Variants in BCKDHB observed in about 807,000 individuals in gnomAD.
The protein encoded by BCKDHB is 2-oxoisovalerate dehydrogenase subunit beta, mitochondrial.
BCKDHB carries 41 observed loss-of-function variants against 48.5 expected under a neutral mutation model. The ratio of observed to expected loss-of-function variants is 0.85; its 90% CI spans 0.66 to 1.10. BCKDHB has a LOEUF of 1.10. Among genes scored for constraint, BCKDHB ranks in the 50% least tolerant of loss-of-function variants. The pLI is 0.00. For synonymous variants in BCKDHB, 201 were observed against 174.8 expected, an observed-to-expected ratio of 1.15 and a Z score of -1.18; for missense variants, 496 against 494.2, an observed-to-expected ratio of 1.00 and a Z score of -0.03.
the BCKDHB span, among the ~76,000 whole-genome samples, chr6:80,441,416 G>A: frequency 4.1e-3 from 630 of 152,274 alleles, 6 homozygotes; most frequent in African/African-American, 0.014. Context: ...AAAACTGAAA[G>A]AGGTTAATAT....
chr6:80,214,667 G>A (rs773592029), intron 8 of BCKDHB, among the ~76,000 whole-genome samples: 1 of 152,132 alleles, frequency 6.6e-6, no homozygotes, highest in Non-Finnish European at 1.5e-5. Flanking sequence ...TTTCCACAGC[G>A]GGGCCTGGCT....
chr6:80,171,214 C>A, intron 5 of BCKDHB, 68 bp from the exon 6 acceptor site: 1 of 873,178 alleles, frequency 1.1e-6, no homozygotes, highest in Non-Finnish European at 1.9e-6. Context: ...AATATCAGCC[C>A]TTCTTAGCAG....
At chr6:80,268,762 A>C (rs1046456189) in intron 8 of BCKDHB, among the ~76,000 whole-genome samples, 2 of 152,154 alleles carry the variant, frequency 1.3e-5, no homozygotes, top group African/African-American at 4.8e-5. Context: ...GGATTGTGTT[A>C]AAATCTTTAA....
the BCKDHB span, among the ~76,000 whole-genome samples, chr6:80,423,744 A>C: frequency 6.6e-6 from 1 of 152,308 alleles, no homozygotes; most frequent in East Asian, 1.9e-4. Context: ...AACTTATAAC[A>C]GTGTCTGACA....
At chr6:80,168,444 G>C (rs1217195124) in intron 4 of BCKDHB, among the ~76,000 whole-genome samples, 2 of 113,014 alleles carry the variant, frequency 1.8e-5, no homozygotes, top group Non-Finnish European at 3.8e-5. Flanking sequence ...GGAAGAGAGG[G>C]AGGGAGGGAG....
intron 6 of BCKDHB, among the ~76,000 whole-genome samples, chr6:80,182,105 G>A (rs973667164): frequency 6.6e-6 from 1 of 151,878 alleles, no homozygotes; most frequent in Non-Finnish European, 1.5e-5. Context: ...TTTCTATTTT[G>A]TTCTTAAAAT....
the BCKDHB span, among the ~76,000 whole-genome samples, chr6:80,379,436 G>A: frequency 2.6e-5 from 4 of 151,864 alleles, no homozygotes; most frequent in Admixed American, 1.3e-4. Context: ...AGGCATAAAT[G>A]GAACATATCT....
At chr6:80,278,989 G>A (rs954875808) in intron 9 of BCKDHB, among the ~76,000 whole-genome samples, 2 of 152,112 alleles carry the variant, frequency 1.3e-5, no homozygotes, top group African/African-American at 4.8e-5. Flanking sequence ...ATGATTATCT[G>A]GAAAAATTTG....
chr6:80,466,057 A>G, the BCKDHB span: 16 of 152,204 alleles, frequency 1.1e-4, no homozygotes, highest in African/African-American at 3.6e-4. Context: ...TTTTGATAGA[A>G]GAATCTCAGA....
intron 8 of BCKDHB, among the ~76,000 whole-genome samples, chr6:80,212,309 T>A (rs1169687689): frequency 6.6e-6 from 1 of 152,064 alleles, no homozygotes; most frequent in Non-Finnish European, 1.5e-5. Context: ...AGAGTGGCTG[T>A]TTTAGACCTT....
At chr6:80,252,001 C>G (rs1252083422) in intron 8 of BCKDHB, among the ~76,000 whole-genome samples, 3 of 152,170 alleles carry the variant, frequency 2.0e-5, no homozygotes, top group Admixed American at 6.6e-5. Flanking sequence ...ATAGCTAGCA[C>G]TATAGCATGC....
At chr6:80,381,436 C>T in the BCKDHB span, among the ~76,000 whole-genome samples, 1 of 152,038 alleles carries the variant, frequency 6.6e-6, no homozygotes, top group Admixed American at 6.6e-5. Context: ...GAAAATTTTA[C>T]ACCTTGCATT....
chr6:80,267,560 A>G (rs1777566362), intron 8 of BCKDHB, among the ~76,000 whole-genome samples: 1 of 152,080 alleles, frequency 6.6e-6, no homozygotes, highest in Non-Finnish European at 1.5e-5. Context: ...CATCAATCAC[A>G]TTCAGAGTTG....
At chr6:80,465,313 A>G in the BCKDHB span, among the ~76,000 whole-genome samples, 1 of 152,214 alleles carries the variant, frequency 6.6e-6, no homozygotes, top group Non-Finnish European at 1.5e-5. Context: ...ATATGAATCC[A>G]TACAGACATA....
At chr6:80,323,864 C>G (rs978605488) in intron 9 of BCKDHB, among the ~76,000 whole-genome samples, 2 of 152,186 alleles carry the variant, frequency 1.3e-5, no homozygotes, top group Non-Finnish European at 2.9e-5. Context: ...GCTCCGCCCC[C>G]CGGGTTCACG....
chr6:80,370,777 G>A, the BCKDHB span, among the ~76,000 whole-genome samples: 4,849 of 48,522 alleles, frequency 0.1, 281 homozygotes, highest in African/African-American at 0.23. Context: ...TATATATAGC[G>A]TGTGTGTGTA....
the BCKDHB span, among the ~76,000 whole-genome samples, chr6:80,430,406 T>C: frequency 1.3e-5 from 2 of 152,204 alleles, no homozygotes; most frequent in Non-Finnish European, 2.9e-5. Flanking sequence ...TTTGCTTTTT[T>C]TATGTTGTTT....
At chr6:80,148,722 A>C (rs1168635227) in intron 3 of BCKDHB, among the ~76,000 whole-genome samples, 1 of 152,050 alleles carries the variant, frequency 6.6e-6, no homozygotes, top group Non-Finnish European at 1.5e-5. Flanking sequence ...ATGGGGAAAC[A>C]ATTCCCTATT....
chr6:80,407,636 C>A, the BCKDHB span, among the ~76,000 whole-genome samples: 8 of 152,130 alleles, frequency 5.3e-5, no homozygotes, highest in Admixed American at 1.3e-4. Context: ...GGAGCTCACT[C>A]ATGCTTTGGC....
Sources: allele counts gnomAD v4.1 joint callset (sites outside exome capture counted in the v4.1 genomes callset), GRCh38; gene constraint gnomAD v4.1.1; transcripts MANE v1.5; gene names NCBI Gene and HGNC (gene_info 2026-07-23, HGNC 2026-07-21).